FBXO17: variants seen among roughly 807,000 people sequenced by gnomAD.
FBXO17 encodes F-box only protein 17.
In FBXO17, 43 loss-of-function variants were observed where a neutral mutation model predicts 34.1. That is an observed-to-expected ratio of 1.26 (90% CI 0.99 to 1.62). FBXO17 has a LOEUF of 1.62. FBXO17 is among the 40% of genes most tolerant of loss of function. The pLI is 0.00. For synonymous variants in FBXO17, 169 were observed against 166.0 expected, an observed-to-expected ratio of 1.02 and a Z score of -0.14; for missense variants, 424 against 386.7, an observed-to-expected ratio of 1.10 and a Z score of -0.81.
At chr19:38,970,154 A>G (rs1975373491) in intron 1 of FBXO17, among the ~76,000 whole-genome samples, 2 of 151,958 alleles carry the variant, frequency 1.3e-5, no homozygotes, top group Non-Finnish European at 2.9e-5. Flanking sequence ...CAAATACAAA[A>G]TAAGGAATAA....
At chr19:38,943,434 C>T (rs12978262) in intron 5 of FBXO17, among the ~76,000 whole-genome samples, 32,385 of 151,086 alleles carry the variant, frequency 0.21, 4,231 homozygotes, top group South Asian at 0.34. Flanking sequence ...CCACCATGCC[C>T]GGCTAATTTT....
At chr19:38,950,411 C>G in intron 1 of FBXO17, 75 bp from the exon 2 acceptor site, 2 of 1,384,136 alleles carry the variant, frequency 1.4e-6, no homozygotes, top group Middle Eastern at 2.7e-4. Context: ...CCCCAGGGCG[C>G]AAGGCCCCTG....
At chr19:38,960,761 G>T (rs1975237237) in intron 1 of FBXO17, among the ~76,000 whole-genome samples, 1 of 151,160 alleles carries the variant, frequency 6.6e-6, no homozygotes, top group South Asian at 2.1e-4. Context: ...ACCTGCCTCG[G>T]CCTCCCAAAG....
At chr19:38,956,825 A>T (rs1226710809) in intron 1 of FBXO17, among the ~76,000 whole-genome samples, 1 of 152,186 alleles carries the variant, frequency 6.6e-6, no homozygotes, top group Non-Finnish European at 1.5e-5. Flanking sequence ...GGTTGCAGTG[A>T]GCCAAGATCA....
At chr19:38,970,898 C>T (rs151037603) in intron 1 of FBXO17, among the ~76,000 whole-genome samples, 85 of 151,852 alleles carry the variant, frequency 5.6e-4, no homozygotes, top group African/African-American at 2.0e-3. Context: ...GTCAGGAGTT[C>T]GAGACCAGCC....
At chr19:38,966,301 G>GTGTGTGTGTA (rs529189216) in intron 1 of FBXO17, among the ~76,000 whole-genome samples, 5,632 of 151,064 alleles carry the variant, frequency 0.037, 161 homozygotes, top group Admixed American at 0.075. Context: ...TTTTGTGTGT[G>GTGTGTGTGTA]TGTGTGTGTG....
Position 38,975,353 on chromosome 19 carries a change from C to A in FBXO17, c.-18+233G>T, listed in dbSNP as rs1975446969. Reference sequence around the variant, plus strand: ...TCGAACACCCACGTTCAAAGCAAAGCCCTTCCAGATTTAGGGCTTTCTAAC... The same window carrying A: ...TCGAACACCCACGTTCAAAGCAAAGACCTTCCAGATTTAGGGCTTTCTAAC... On this transcript the variant is annotated intron_variant, in intron 1 of 5. Transcript: ENST00000292852. The surrounding 1 kb of genome is among the most constrained non-coding windows in gnomAD (Gnocchi z 4.9). Among the ~76,000 whole-genome samples the A allele has an allele frequency of 6.6e-6, 1 of 152,242 alleles. No homozygotes were observed. Among genetic ancestry groups the A allele is most frequent in the Non-Finnish European group, 1.5e-5 (1 of 68,040 alleles).
intron 1 of FBXO17, among the ~76,000 whole-genome samples, chr19:38,957,640 G>C (rs760648708): frequency 5.9e-5 from 9 of 152,100 alleles, no homozygotes; most frequent in African/African-American, 2.2e-4. Flanking sequence ...CACTGCGCCC[G>C]GCAGTTCCTG....
chr19:38,965,328 T>C lies in FBXO17; in HGVS notation c.-18+10258A>G, dbSNP rs548369518. The stretch of plus-strand genomic sequence containing the variant: ...ACTGTGGCCATCTCAACATTCTTTT[T>C]CTTTTCTTTTTTTTTTTTGAGATGG... On this transcript the variant is annotated intron_variant, in intron 1 of 5. Transcript: ENST00000292852. 4.6e-3 allele frequency among the ~76,000 whole-genome samples: 613 copies of C among 132,940 alleles called. 1 individual carries two copies. Among genetic ancestry groups the C allele is most frequent in the Non-Finnish European group, 7.5e-3 (483 of 64,240 alleles). 87.2% of individuals were successfully genotyped at this position (132,940 alleles called of 152,430 possible). A position where few individuals can be genotyped will look rare whatever the true frequency, so the allele number is the denominator to read the frequency against.
chr19:38,945,376 G>T, intron 4 of FBXO17: 2 of 495,756 alleles, frequency 4.0e-6, no homozygotes, highest in South Asian at 4.5e-5. Context: ...AGAGCCTGGG[G>T]GAGGAGCCTG....
chr19:38,961,275 T>C (rs1975245920), intron 1 of FBXO17, among the ~76,000 whole-genome samples: 1 of 90,072 alleles, frequency 1.1e-5, no homozygotes, highest in African/African-American at 5.8e-5. Context: ...TTCAATTGAT[T>C]TTAAATCTTT....
At chr19:38,970,053 A>T (rs1975372231) in intron 1 of FBXO17, among the ~76,000 whole-genome samples, 1 of 152,138 alleles carries the variant, frequency 6.6e-6, no homozygotes, top group Non-Finnish European at 1.5e-5. Flanking sequence ...TGTCCACTGT[A>T]GCACATACAA....
chr19:38,949,778 G>T (rs564942615), intron 2 of FBXO17, 193 bp downstream of exon 2: 3 of 688,960 alleles, frequency 4.4e-6, no homozygotes, highest in African/African-American at 3.8e-5. Context: ...CCACTCGTTC[G>T]GATTCCCGGC....
chr19:38,954,601 C>G (rs1342605646), intron 1 of FBXO17, among the ~76,000 whole-genome samples: 4 of 90,220 alleles, frequency 4.4e-5, no homozygotes, highest in Non-Finnish European at 8.6e-5. Flanking sequence ...TTTTTTGAGA[C>G]AGAGTTTCAC....
chr19:38,962,168 C>A (rs1975260505), intron 1 of FBXO17, among the ~76,000 whole-genome samples: 1 of 136,500 alleles, frequency 7.3e-6, no homozygotes, highest in Admixed American at 7.4e-5. Context: ...CCTGCCTGGA[C>A]AAGAAGAGCG....
intron 3 of FBXO17, among the ~76,000 whole-genome samples, 161 bp downstream of exon 3, chr19:38,948,406 G>C (rs1011532070): frequency 6.6e-6 from 1 of 152,206 alleles, no homozygotes; most frequent in Admixed American, 6.5e-5. Flanking sequence ...ATATGAAACA[G>C]TACCCTCAAC....
chr19:38,970,753 C>T (rs1439991551), intron 1 of FBXO17, among the ~76,000 whole-genome samples: 1 of 152,040 alleles, frequency 6.6e-6, no homozygotes, highest in Non-Finnish European at 1.5e-5. Flanking sequence ...GCTCCTCAGC[C>T]CTACTAGGGG....
At position 38,950,181 on chromosome 19, in the gene FBXO17, G is replaced by C. The variant is rs749815995; in HGVS notation, c.139C>G (p.Arg47Gly). The C allele has an allele frequency of 1.3e-6, 2 of 1,558,046 alleles. No individual in the cohort carries two copies. Among genetic ancestry groups the C allele is most frequent in the African/African-American group, 1.4e-5 (1 of 73,286 alleles). The change falls in exon 2 of 6, where the codon CGC (arginine) becomes GGC (glycine). Residue 47 changes from arginine (R) to glycine (G), a missense_variant. By Grantham distance (125) the Arg-to-Gly change is moderately radical. Transcript: ENST00000292852. The stretch of plus-strand genomic sequence containing the variant: ...CCGTCCACTATGTCGCGCCAGGCGC[G>C]GCACACTGGGCGGCATCGCGTGACC... The part of the protein sequence containing the change: ...SLVTRCRPVC[R>G]AWRDIVDGPT...
chr19:38,946,688 G>C, intron 3 of FBXO17, 121 bp from the exon 4 acceptor site: 1 of 1,410,120 alleles, frequency 7.1e-7, no homozygotes, highest in Non-Finnish European at 9.6e-7. Flanking sequence ...CTCAGGGTTT[G>C]CTCTAGCAGA....
Sources: allele counts gnomAD v4.1 joint callset (sites outside exome capture counted in the v4.1 genomes callset), GRCh38; gene constraint gnomAD v4.1.1; non-coding constraint Gnocchi (gnomAD v3.1); transcripts MANE v1.5; gene names NCBI Gene and HGNC (gene_info 2026-07-23, HGNC 2026-07-21).